The following LARP7 variants were observed in gnomAD, a reference collection of about 807,000 sequenced individuals.
LARP7 encodes the protein La ribonucleoprotein 7, transcriptional regulator.
LARP7 carries 52 observed loss-of-function variants against 69.3 expected under a neutral mutation model. The ratio of observed to expected loss-of-function variants is 0.75; its 90% CI spans 0.60 to 0.95. The LOEUF (loss-of-function observed/expected upper bound fraction) is 0.95. LARP7 is among the 40% of genes least tolerant of loss of function. The pLI is 0.00. For synonymous variants in LARP7, 254 were observed against 215.9 expected (o/e 1.18, Z -1.55); for missense variants, 733 against 673.0 (o/e 1.09, Z -0.99).
At chr4:112,642,046 G>C (rs1381789464) in intron 1 of LARP7, among the ~76,000 whole-genome samples, 1 of 152,152 alleles carries the variant, frequency 6.6e-6, no homozygotes, top group Admixed American at 6.5e-5. Flanking sequence ...GAGAAACTGA[G>C]ATTGCAAAAG....
chr4:112,645,166 C>G (rs894316950), intron 2 of LARP7, among the ~76,000 whole-genome samples: 1 of 151,620 alleles, frequency 6.6e-6, no homozygotes, highest in Non-Finnish European at 1.5e-5. Flanking sequence ...AGGCTGGTCT[C>G]GAACTCCTGA....
intron 11 of LARP7, 151 bp from the exon 12 acceptor site, chr4:112,653,917 T>G: frequency 1.7e-6 from 1 of 604,524 alleles, no homozygotes; most frequent in South Asian, 2.3e-5. Context: ...CAAAACTAAC[T>G]ATTTTTTTTC....
intron 1 of LARP7, among the ~76,000 whole-genome samples, chr4:112,643,441 T>C (rs2048036503): frequency 1.3e-5 from 2 of 152,292 alleles, no homozygotes; most frequent in African/African-American, 4.8e-5. Context: ...AAGGACTGTA[T>C]GGCTGGAGCT....
intron 1 of LARP7, among the ~76,000 whole-genome samples, chr4:112,641,985 C>T (rs936299963): frequency 1.3e-5 from 2 of 151,938 alleles, no homozygotes; most frequent in African/African-American, 4.8e-5. Flanking sequence ...CCAATTTAGG[C>T]ATCATGTAAA....
intron 12 of LARP7, among the ~76,000 whole-genome samples, chr4:112,656,874 G>A (rs145585003): frequency 6.6e-6 from 1 of 152,182 alleles, no homozygotes; most frequent in African/African-American, 2.4e-5. Flanking sequence ...AAAAAGATTT[G>A]CATTTACTCC....
In LARP7 at chr4:112,646,517, G is replaced by A. The variant is rs1263046435; in HGVS notation, c.303+66G>A. The A allele has an allele frequency of 3.2e-6, 4 of 1,260,142 alleles. No individual in the cohort carries two copies. The Admixed American group carries it at 6.8e-5, about 21-fold the overall frequency. 78.1% of individuals were successfully genotyped at this position (1,260,142 alleles called of 1,614,324 possible). A position where few individuals can be genotyped will look rare whatever the true frequency, so the allele number is the denominator to read the frequency against. The stretch of plus-strand genomic sequence containing the variant: ...TAATTATAAAGAATGTTAACGTAAT[G>A]ATTATTATATGATTATAGCTTACAA... On this transcript the variant is annotated intron_variant, in intron 3 of 12. Transcript: ENST00000344442.
chr4:112,646,490 T>G, intron 3 of LARP7, 39 bp downstream of exon 3: 1 of 1,327,154 alleles, frequency 7.5e-7, no homozygotes. Flanking sequence ...ATTTATAGTT[T>G]ATAATTATAA....
chr4:112,656,190 A>C (rs573436761), intron 12 of LARP7, among the ~76,000 whole-genome samples: 16 of 152,264 alleles, frequency 1.1e-4, no homozygotes, highest in African/African-American at 3.9e-4. Context: ...GGATCACTTG[A>C]GGTCAGGAGT....
intron 8 of LARP7, 96 bp from the exon 9 acceptor site, chr4:112,649,439 G>T: frequency 2.1e-6 from 2 of 955,494 alleles, no homozygotes; most frequent in Non-Finnish European, 1.5e-6. Flanking sequence ...GTTGGTGGAG[G>T]AGTTGCTCCA....
intron 4 of LARP7, 49 bp from the exon 5 acceptor site, chr4:112,646,742 T>G: frequency 6.4e-7 from 1 of 1,553,282 alleles, no homozygotes; most frequent in Non-Finnish European, 8.7e-7. Flanking sequence ...AAAAATTTAT[T>G]GACATTCTGA....
chr4:112,650,487 C>CA lies in LARP7; in HGVS notation c.1322dup (p.Glu442GlyfsTer4). The CA allele has an allele frequency of 6.2e-7, 1 of 1,613,652 alleles. No individual in the cohort carries two copies. Among genetic ancestry groups the CA allele is most frequent in the Non-Finnish European group, 8.5e-7 (1 of 1,179,756 alleles). On this transcript the variant is annotated frameshift_variant, in exon 10 of 13. Transcript: ENST00000344442. LOFTEE classifies it high-confidence loss of function. ...AGCCAACAGGGAAGAGTGTCGCACC[C>CA]AGGAGAAAGTTAATGCAACAGGACC... is the stretch of plus-strand genomic sequence containing the variant.
intron 10 of LARP7, among the ~76,000 whole-genome samples, chr4:112,652,080 G>C (rs34532614): frequency 0.025 from 3,747 of 151,474 alleles, 75 homozygotes; most frequent in Non-Finnish European, 0.033. Flanking sequence ...TTAAGATCTA[G>C]TCCCTGGCTT....
intron 9 of LARP7, 150 bp downstream of exon 9, chr4:112,649,836 G>C (rs1426541603): frequency 3.7e-6 from 2 of 542,688 alleles, no homozygotes; most frequent in African/African-American, 2.0e-5. Flanking sequence ...AAGTTATCCA[G>C]ATGTGTTACT....
rs2048319797 is a variant in LARP7 at position 112,647,093 on chromosome 4, GAAA to G, written c.615_617del (p.Lys205del). 5 of 1,611,302 alleles carry G rather than the reference GAAA, an allele frequency of 3.1e-6. No homozygotes were observed. Among genetic ancestry groups the G allele is most frequent in the Non-Finnish European group, 4.2e-6 (5 of 1,179,390 alleles). On this transcript the variant is annotated inframe_deletion, in exon 6 of 13. Coordinates refer to ENST00000344442, the MANE Select transcript of LARP7 (RefSeq NM_016648.4). ...AACCTGGCATATTTCCTAAAACAGTGAAAAATAAGCCCATTCCAGCCTTAAGAG... is the reference window on the plus strand; with the variant it reads ...AACCTGGCATATTTCCTAAAACAGTGAATAAGCCCATTCCAGCCTTAAGAG...
chr4:112,641,663 G>T (rs1020128128), intron 1 of LARP7, among the ~76,000 whole-genome samples: 2 of 152,174 alleles, frequency 1.3e-5, no homozygotes, highest in Middle Eastern at 3.2e-3. Flanking sequence ...ACCATGAGGT[G>T]TAAGGAAAAG....
chr4:112,649,150 T>G (rs1386755090), intron 8 of LARP7, among the ~76,000 whole-genome samples: 3 of 152,250 alleles, frequency 2.0e-5, no homozygotes, highest in South Asian at 2.1e-4. Flanking sequence ...AAGTAAATAC[T>G]AAGGAATGTT....
rs528111578 is a variant in LARP7, at chr4:112,646,329, T to C, written c.203-22T>C. 143 of 1,197,908 alleles carry C rather than the reference T, an allele frequency of 1.2e-4. No individual in the cohort carries two copies. In the South Asian group the frequency reaches 1.6e-3, roughly 13 times the overall value. 74.2% of individuals were successfully genotyped at this position (1,197,908 alleles called of 1,614,324 possible). On this transcript the variant is annotated intron_variant, in intron 2 of 12. Transcript: ENST00000344442. ...TTAATCCTGCTGATACACTAACATATTAACTTTTTCATTTTCTTTAGATGT... is the reference window on the plus strand; with the variant it reads ...TTAATCCTGCTGATACACTAACATACTAACTTTTTCATTTTCTTTAGATGT...
chr4:112,650,970 C>T (rs2048703905), intron 10 of LARP7, among the ~76,000 whole-genome samples: 1 of 152,124 alleles, frequency 6.6e-6, no homozygotes, highest in Non-Finnish European at 1.5e-5. Context: ...AAAACCCATA[C>T]TTCTATATAA....
At chr4:112,639,434 G>T (rs1410679748) in intron 1 of LARP7, among the ~76,000 whole-genome samples, 1 of 151,728 alleles carries the variant, frequency 6.6e-6, no homozygotes, top group Non-Finnish European at 1.5e-5. Context: ...GTCTCACCTT[G>T]TTAGCCAGGA....
Sources: allele counts gnomAD v4.1 joint callset (sites outside exome capture counted in the v4.1 genomes callset), GRCh38; gene constraint gnomAD v4.1.1; transcripts MANE v1.5; gene names NCBI Gene and HGNC (gene_info 2026-07-23, HGNC 2026-07-21).